Variants in RPL26L1 observed in about 807,000 individuals in gnomAD.
RPL26L1 encodes the protein ribosomal protein uL24-like.
Under a neutral mutation model 15.2 loss-of-function variants are expected in RPL26L1, and 8 were observed. The observed-to-expected ratio is 0.53, with a 90% CI of 0.31 to 0.95. The LOEUF is 0.95. Ranked by LOEUF, RPL26L1 falls within the 40% of genes least tolerant of loss-of-function variation. The pLI is 0.05. For synonymous variants in RPL26L1, 51 were observed against 65.9 expected (o/e 0.77, Z 1.09); for missense variants, 146 against 190.9 (o/e 0.76, Z 1.39).
chr5:172,968,235 C>G (rs942518379), intron 2 of RPL26L1, among the ~76,000 whole-genome samples: 2 of 152,086 alleles, frequency 1.3e-5, no homozygotes, highest in African/African-American at 4.8e-5. Flanking sequence ...CCTTTTTCCT[C>G]TAAAGCTCAT....
chr5:172,954,535 G>A (rs1348190673), upstream of RPL26L1, among the ~76,000 whole-genome samples: 5 of 151,842 alleles, frequency 3.3e-5, no homozygotes, highest in East Asian at 1.9e-4. Flanking sequence ...AGATCTAGCC[G>A]CTGCACTCCA....
At chr5:172,957,344 A>T (rs1295576572), upstream of RPL26L1, 2 of 452,102 alleles carry the variant, frequency 4.4e-6, no homozygotes. Flanking sequence ...AAACAAAGCA[A>T]AAAGCCTTCC....
chr5:172,961,107 T>C (rs991149486), intron 2 of RPL26L1, among the ~76,000 whole-genome samples: 5 of 152,262 alleles, frequency 3.3e-5, no homozygotes, highest in African/African-American at 9.6e-5. Context: ...TCTTAGAGAA[T>C]GAAATGACAT....
rs149880526 is a variant in RPL26L1 at position 172,963,844 on chromosome 5, A to G, written c.168+3803A>G. The stretch of plus-strand genomic sequence containing the variant: ...TAAAAAGACCATTTTTAATCATCCC[A>G]GTAAGTTCCTATGTGACTTATTCCA... On this transcript the variant is annotated intron_variant, in intron 2 of 3. Transcript: ENST00000265100. 3.3e-3 allele frequency among the ~76,000 whole-genome samples: 509 copies of G among 152,334 alleles called. 1 individual carries two copies. The highest frequency in any genetic ancestry group is 0.01 in the Middle Eastern group (3 of 294).
At chr5:172,956,975 T>G, upstream of RPL26L1, 1 of 312,554 alleles carries the variant, frequency 3.2e-6, no homozygotes, top group Non-Finnish European at 6.3e-6. Flanking sequence ...ACCAATGAGG[T>G]AAGTACTATC....
chr5:172,964,528 C>T (rs573378615), intron 2 of RPL26L1, among the ~76,000 whole-genome samples: 7 of 152,216 alleles, frequency 4.6e-5, no homozygotes, highest in African/African-American at 1.7e-4. Flanking sequence ...TCAGGTGATC[C>T]ACCCGCCTCA....
upstream of RPL26L1, chr5:172,954,936 G>C (rs1227216552): frequency 2.2e-6 from 1 of 455,794 alleles, no homozygotes; most frequent in African/African-American, 2.0e-5. Flanking sequence ...GTTGGGAGCT[G>C]TGGTGGGTCC....
At chr5:172,954,282 T>C (rs1208083425), upstream of RPL26L1, among the ~76,000 whole-genome samples, 5 of 152,004 alleles carry the variant, frequency 3.3e-5, no homozygotes, top group Admixed American at 2.0e-4. Context: ...TGTAAAAGAT[T>C]TGGGAGGCCG....
In RPL26L1 at chr5:172,960,182, A is replaced by C. The variant is rs1034116505; in HGVS notation, c.168+141A>C. The C allele has an allele frequency of 3.3e-6, 3 of 910,048 alleles. No homozygotes were observed. In the East Asian group the frequency reaches 7.7e-5, roughly 23 times the overall value. 56.4% of individuals were successfully genotyped at this position (910,048 alleles called of 1,614,324 possible). On this transcript the variant is annotated intron_variant, in intron 2 of 3. Transcript: ENST00000265100. ...ATGTGTTAGGCCAGAGATAGGGTTC[A>C]GAGCCACCAGAGAGTGCCTGCGTTG... is the stretch of plus-strand genomic sequence containing the variant.
rs769705476 is a variant in RPL26L1 at position 172,959,935 on chromosome 5, C to T, written c.62C>T (p.Ala21Val). The change falls in exon 2 of 4, where the codon GCC becomes GTC. Residue 21 changes from alanine to valine, a missense_variant. Transcript: ENST00000265100. ...AAAAACCGCAAACGTCACTTCAATG[C>T]CCCCTCACACGTGCGCAGGAAGATC... is the stretch of plus-strand genomic sequence containing the variant. ...RSKNRKRHFNAPSHVRRKIMS... is the reference protein window; with the variant it reads ...RSKNRKRHFNVPSHVRRKIMS... 7.1e-5 allele frequency: 115 copies of T among 1,614,158 alleles called. No homozygotes were observed. The highest frequency in any genetic ancestry group is 9.2e-5 in the Non-Finnish European group (109 of 1,180,008).
chr5:172,955,779 TGGATGTTATC>T, upstream of RPL26L1: 1 of 152,356 alleles, frequency 6.6e-6, no homozygotes, highest in South Asian at 2.1e-4. Flanking sequence ...TCCTTCGAGA[TGGATGTTATC>T]TCCTTTTTAG....
chr5:172,958,264 CAAAAAAAAAAA>C (rs5873347), upstream of RPL26L1: 22 of 287,482 alleles, frequency 7.7e-5, 3 homozygotes, highest in Admixed American at 9.4e-4. Flanking sequence ...AACTCTATCT[CAAAAAAAAAAA>C]AAAAAAAAAT....
upstream of RPL26L1, chr5:172,957,328 A>G: frequency 2.2e-6 from 1 of 454,360 alleles, no homozygotes; most frequent in South Asian, 1.6e-5. Context: ...TGTTAAAAAC[A>G]AAACAAAACA....
rs1313162695 is a variant in RPL26L1, at chr5:172,969,582, G to C, written c.*41G>C. The C allele has an allele frequency of 4.4e-6, 7 of 1,583,906 alleles. No individual in the cohort carries two copies. Among genetic ancestry groups the C allele is most frequent in the Non-Finnish European group, 6.0e-6 (7 of 1,161,370 alleles). ...CAACCACGGTTTAACCGGAGATTTTGAGGCTAGGGTGTGTTTCTTTCGAAC... is the reference window on the plus strand; with the variant it reads ...CAACCACGGTTTAACCGGAGATTTTCAGGCTAGGGTGTGTTTCTTTCGAAC... On this transcript the variant is annotated 3_prime_UTR_variant, in exon 4 of 4. Coordinates refer to ENST00000265100, the MANE Select transcript of RPL26L1 (RefSeq NM_016093.4).
chr5:172,960,042 G>T lies in RPL26L1; in HGVS notation c.168+1G>T, dbSNP rs1191365794. 3 of 1,614,072 alleles carry T rather than the reference G, an allele frequency of 1.9e-6. No individual in the cohort carries two copies. In the Admixed American group the frequency reaches 5.0e-5, roughly 27 times the overall value. On this transcript the variant is annotated splice_donor_variant, in intron 2 of 3. Transcript: ENST00000265100. LOFTEE classifies it high-confidence loss of function. ...CATCCGCAAGGACGACGAGGTCCAGGTACGTCTCCCTCCGGCGCTAGTGGC... is the reference window on the plus strand; with the variant it reads ...CATCCGCAAGGACGACGAGGTCCAGTTACGTCTCCCTCCGGCGCTAGTGGC...
chr5:172,955,070 G>A (rs1316991387), upstream of RPL26L1: 1 of 455,444 alleles, frequency 2.2e-6, no homozygotes, highest in Non-Finnish European at 4.4e-6. Context: ...GGAAGAGGGG[G>A]TGAAACCTGG....
upstream of RPL26L1, chr5:172,955,129 G>GTTTTT (rs58150544): frequency 7.0e-5 from 16 of 228,416 alleles, no homozygotes; most frequent in African/African-American, 1.3e-4. Flanking sequence ...GCTGTGGTTA[G>GTTTTT]TTTTTTTTTT....
chr5:172,963,538 G>T (rs1188572516), intron 2 of RPL26L1, among the ~76,000 whole-genome samples: 2 of 152,070 alleles, frequency 1.3e-5, no homozygotes, highest in African/African-American at 4.8e-5. Flanking sequence ...TCTCCCGCTG[G>T]AATGTTCTCT....
rs17075427 is a variant in RPL26L1 at position 172,968,578 on chromosome 5, C to T, written c.288C>T (p.His96=). 42,772 of 1,613,938 alleles carry T rather than the reference C, an allele frequency of 0.027. 803 individuals carry two copies. Among genetic ancestry groups the T allele is most frequent in the South Asian group, 0.073 (6,608 of 91,074 alleles). Reference sequence around the variant, plus strand: ...AGAAGGCCAACGGCACAACTGTCCACGTGGGCATTCACCCAAGCAAGGTAT... The same window carrying T: ...AGAAGGCCAACGGCACAACTGTCCATGTGGGCATTCACCCAAGCAAGGTAT... ...QREKANGTTV[H]VGIHPSKVVI... Residue 96 remains histidine (H), a synonymous_variant, in exon 3 of 4, where the codon CAC becomes CAT. Transcript: ENST00000265100.
Sources: allele counts gnomAD v4.1 joint callset (sites outside exome capture counted in the v4.1 genomes callset), GRCh38; gene constraint gnomAD v4.1.1; transcripts MANE v1.5; gene names NCBI Gene and HGNC (gene_info 2026-07-23, HGNC 2026-07-21).